TRAF3: variants seen among roughly 807,000 people sequenced by gnomAD.
The protein encoded by TRAF3 is TNF receptor-associated factor 3.
In TRAF3, 13 loss-of-function variants were observed where a neutral mutation model predicts 62.3. The ratio of observed to expected loss-of-function variants is 0.21; its 90% CI spans 0.14 to 0.33. The LOEUF is 0.33. TRAF3 is among the 10% of genes least tolerant of loss of function. The pLI is 1.00. For missense variants in TRAF3, 440 were observed against 741.8 expected (o/e 0.59, Z 4.73); for synonymous variants, 269 against 283.4 (o/e 0.95, Z 0.51).
intron 9 of TRAF3, among the ~76,000 whole-genome samples, chr14:102,893,341 G>C (rs1889828565): frequency 6.7e-6 from 1 of 149,456 alleles, no homozygotes; most frequent in Admixed American, 6.7e-5. Flanking sequence ...AGTGAGCCAA[G>C]ATCGCGCCAC....
At chr14:102,810,316 C>G (rs530814917) in intron 1 of TRAF3, among the ~76,000 whole-genome samples, 2 of 152,112 alleles carry the variant, frequency 1.3e-5, no homozygotes, top group Admixed American at 1.3e-4. Flanking sequence ...GTGCAGTCGG[C>G]TCTGGTGGGA....
chr14:102,801,719 A>AT (rs1898425576), intron 1 of TRAF3, among the ~76,000 whole-genome samples: 1 of 151,998 alleles, frequency 6.6e-6, no homozygotes, highest in African/African-American at 2.4e-5. Context: ...AAAATTTTTA[A>AT]TTAAAAAAAT....
At chr14:102,850,688 TAAA>T (rs35096461) in intron 2 of TRAF3, among the ~76,000 whole-genome samples, 13 of 87,506 alleles carry the variant, frequency 1.5e-4, no homozygotes, top group East Asian at 3.3e-4. Flanking sequence ...AGACTCCGTC[TAAA>T]AAAAAAAAAA....
chr14:102,853,489 AATTC>A (rs1887170594), intron 2 of TRAF3, among the ~76,000 whole-genome samples: 1 of 152,124 alleles, frequency 6.6e-6, no homozygotes, highest in African/African-American at 2.4e-5. Context: ...TACAAAACAA[AATTC>A]ACCACTTAAA....
intron 2 of TRAF3, among the ~76,000 whole-genome samples, chr14:102,832,677 C>CA (rs762127391): frequency 5.9e-5 from 9 of 151,990 alleles, no homozygotes; most frequent in Non-Finnish European, 1.3e-4. Flanking sequence ...GTCCTCCCAC[C>CA]AAAAAATATA....
intron 1 of TRAF3, among the ~76,000 whole-genome samples, chr14:102,802,996 AG>A (rs1455423410): frequency 6.6e-6 from 1 of 152,172 alleles, no homozygotes; most frequent in East Asian, 1.9e-4. Context: ...TGCAGAGCAA[AG>A]GGGGAAAAGC....
At chr14:102,830,182 A>G (rs1900589113) in intron 1 of TRAF3, among the ~76,000 whole-genome samples, 152 bp from the exon 2 acceptor site, 1 of 152,186 alleles carries the variant, frequency 6.6e-6, no homozygotes, top group South Asian at 2.1e-4. Flanking sequence ...TGTAGAATTC[A>G]TTCTCTTTGT....
intron 2 of TRAF3, among the ~76,000 whole-genome samples, chr14:102,860,159 A>G (rs1045908547): frequency 2.0e-5 from 3 of 152,180 alleles, no homozygotes; most frequent in Non-Finnish European, 4.4e-5. Flanking sequence ...CAGACACACA[A>G]AGATCCAAGT....
Position 102,826,963 on chromosome 14 carries a change from CAGT to C in TRAF3, c.-156-3370_-156-3368del, listed in dbSNP as rs1420942131. The stretch of plus-strand genomic sequence containing the variant: ...CTCAGGTCCCAGACATAGGCTCTGT[CAGT>C]GGTGGTGGCGGTGGCTGTACCTGCT... On this transcript the variant is annotated intron_variant, in intron 1 of 11. Transcript: ENST00000392745. The surrounding 1 kb of genome is among the most constrained non-coding windows in gnomAD (Gnocchi z 4.6). Among the ~76,000 whole-genome samples, 1 of 152,160 alleles carries C rather than the reference CAGT, an allele frequency of 6.6e-6. No homozygotes were observed. Among genetic ancestry groups the C allele is most frequent in the Non-Finnish European group, 1.5e-5 (1 of 68,022 alleles).
At chr14:102,904,343 T>G (rs1203355663) in intron 11 of TRAF3, among the ~76,000 whole-genome samples, 2 of 152,204 alleles carry the variant, frequency 1.3e-5, no homozygotes, top group East Asian at 3.9e-4. Context: ...TTTGCTGGTG[T>G]TACCCCCAGA....
chr14:102,871,809 G>A lies in TRAF3; in HGVS notation c.246-108G>A, dbSNP rs1455729375. 5 of 985,220 alleles carry A rather than the reference G, an allele frequency of 5.1e-6. No individual in the cohort carries two copies. In the East Asian group the frequency reaches 7.2e-5, roughly 14 times the overall value. The allele number at this position is 985,220 out of a possible 1,614,324, so 61.0% of individuals were successfully genotyped here. On this transcript the variant is annotated intron_variant, in intron 3 of 11. Coordinates refer to ENST00000392745, the MANE Select transcript of TRAF3 (RefSeq NM_145725.3). ...GCGTCCTGAAGCTCTGCTGGTTGCT[G>A]TGAGCCACTGTGCAGACCTGACCAT...
intron 2 of TRAF3, among the ~76,000 whole-genome samples, chr14:102,853,726 C>G (rs956045348): frequency 2.0e-5 from 3 of 151,214 alleles, no homozygotes; most frequent in Non-Finnish European, 4.4e-5. Flanking sequence ...TAACCTCAGG[C>G]AATTGGGAGG....
intron 2 of TRAF3, among the ~76,000 whole-genome samples, chr14:102,852,963 G>A (rs529818712): frequency 6.6e-6 from 1 of 151,790 alleles, no homozygotes; most frequent in African/African-American, 2.4e-5. Flanking sequence ...GCACAATCTC[G>A]GCTTACTGCA....
intron 1 of TRAF3, among the ~76,000 whole-genome samples, chr14:102,805,693 C>T (rs1595303769): frequency 6.6e-6 from 1 of 152,192 alleles, no homozygotes; most frequent in African/African-American, 2.4e-5. Context: ...TTCCTGTGTC[C>T]TGTTGAAATG....
chr14:102,840,974 G>C (rs1886342243), intron 2 of TRAF3, among the ~76,000 whole-genome samples: 1 of 152,192 alleles, frequency 6.6e-6, no homozygotes, highest in African/African-American at 2.4e-5. Flanking sequence ...GGTTTTGGGG[G>C]CCGGATGCTG....
chr14:102,815,002 C>T (rs938631434), intron 1 of TRAF3, among the ~76,000 whole-genome samples: 1 of 152,078 alleles, frequency 6.6e-6, no homozygotes, highest in Non-Finnish European at 1.5e-5. Flanking sequence ...GTGGCACAAT[C>T]ATGGCTCACT....
chr14:102,900,014 C>T (rs916460678), intron 10 of TRAF3, among the ~76,000 whole-genome samples: 1 of 150,758 alleles, frequency 6.6e-6, no homozygotes, highest in African/African-American at 2.4e-5. Flanking sequence ...CCCGTCTCTA[C>T]TAAAAATACA....
chr14:102,857,603 C>T (rs1443502485), intron 2 of TRAF3, among the ~76,000 whole-genome samples: 2 of 152,300 alleles, frequency 1.3e-5, no homozygotes, highest in East Asian at 1.9e-4. Flanking sequence ...CCCAAGATGG[C>T]GTGGGGTTCC....
chr14:102,795,047 G>A (rs1897996945), intron 1 of TRAF3, among the ~76,000 whole-genome samples: 1 of 152,064 alleles, frequency 6.6e-6, no homozygotes, highest in Middle Eastern at 3.2e-3. Flanking sequence ...ATATAAGTAA[G>A]CCTATATATC....
Sources: gnomAD v4.1 joint callset for allele counts (sites outside exome capture counted in the v4.1 genomes callset) on GRCh38, gnomAD v4.1.1 for gene constraint, Gnocchi (gnomAD v3.1) non-coding constraint, MANE v1.5 for transcripts, NCBI Gene and HGNC (gene_info 2026-07-23, HGNC 2026-07-21) for gene names.